Variants in ZNF512 observed in about 807,000 individuals in gnomAD.
ZNF512 encodes the protein zinc finger protein 512.
Under a neutral mutation model 77.5 loss-of-function variants are expected in ZNF512, and 25 were observed. The observed-to-expected ratio is 0.32, with a 90% CI of 0.23 to 0.45. The LOEUF is 0.45. Ranked by LOEUF, ZNF512 falls within the 20% of genes least tolerant of loss-of-function variation. The pLI, the probability that ZNF512 is intolerant of heterozygous loss-of-function variation, is 1.00. For synonymous variants in ZNF512, 246 were observed against 239.9 expected (o/e 1.03, Z -0.24); for missense variants, 483 against 692.6 (o/e 0.70, Z 3.40).
chr2:27,592,190 C>A (rs1158797124), intron 2 of ZNF512, among the ~76,000 whole-genome samples: 2 of 151,066 alleles, frequency 1.3e-5, no homozygotes, highest in South Asian at 2.1e-4. Context: ...AGGATTTTGC[C>A]ATGTTGCCCA....
chr2:27,598,354 G>A (rs1287190178), intron 3 of ZNF512, 100 bp downstream of exon 3: 14 of 1,297,154 alleles, frequency 1.1e-5, no homozygotes, highest in Non-Finnish European at 1.5e-5. Context: ...TGGCGGCTGA[G>A]CGTGGTGGCT....
chr2:27,605,707 CTA>C (rs557892736), intron 9 of ZNF512, among the ~76,000 whole-genome samples: 277 of 152,176 alleles, frequency 1.8e-3, no homozygotes, highest in African/African-American at 6.1e-3. Context: ...AACTCCTGGG[CTA>C]AAGTGATCTG....
chr2:27,612,277 C>T (rs527657305), intron 10 of ZNF512, among the ~76,000 whole-genome samples: 4 of 152,234 alleles, frequency 2.6e-5, no homozygotes, highest in African/African-American at 7.2e-5. Context: ...TACTTTATGA[C>T]ATGATAAGAC....
At chr2:27,602,610 T>C in intron 8 of ZNF512, 49 bp downstream of exon 8, 1 of 1,511,038 alleles carries the variant, frequency 6.6e-7, no homozygotes, top group Non-Finnish European at 9.0e-7. Flanking sequence ...CTCAGGTCAA[T>C]GTCTTTCGTT....
At chr2:27,592,826 T>C (rs948090531) in intron 2 of ZNF512, among the ~76,000 whole-genome samples, 17 of 151,490 alleles carry the variant, frequency 1.1e-4, no homozygotes, top group African/African-American at 4.1e-4. Context: ...GCTGGGATTA[T>C]AGGCATGTGC....
chr2:27,584,184 CA>C (rs934310285), intron 2 of ZNF512, among the ~76,000 whole-genome samples: 3 of 150,104 alleles, frequency 2.0e-5, no homozygotes, highest in Admixed American at 6.6e-5. Context: ...ACCTAGCTTG[CA>C]AAAAAAAAGT....
chr2:27,610,309 A>G (rs1346779106), intron 10 of ZNF512, among the ~76,000 whole-genome samples: 1 of 148,828 alleles, frequency 6.7e-6, no homozygotes, highest in Non-Finnish European at 1.5e-5. Flanking sequence ...GGTTGCAGTG[A>G]GCCGAGATTG....
rs1251180604 is a variant in ZNF512 at position 27,622,252 on chromosome 2, C to T, written c.*791C>T. 1.3e-5 allele frequency: 2 copies of T among 152,464 alleles called. No homozygotes were observed. Among genetic ancestry groups the T allele is most frequent in the African/African-American group, 4.8e-5 (2 of 41,454 alleles). 9.4% of individuals were successfully genotyped at this position (152,464 alleles called of 1,614,324 possible). ...ATCCATAGCTATGATCACTTGCCCTCTGAAGCTTATTTTTGCTTCTTTGGT... is the reference window on the plus strand; with the variant it reads ...ATCCATAGCTATGATCACTTGCCCTTTGAAGCTTATTTTTGCTTCTTTGGT... On this transcript the variant is annotated 3_prime_UTR_variant, in exon 14 of 14. Transcript: ENST00000355467.
chr2:27,587,273 T>G (rs943633731), intron 2 of ZNF512, among the ~76,000 whole-genome samples: 4 of 96,560 alleles, frequency 4.1e-5, no homozygotes, highest in Non-Finnish European at 7.0e-5. Flanking sequence ...CATGGGTTTT[T>G]TTTTTTTTTT....
chr2:27,601,555 A>T, intron 7 of ZNF512, 113 bp downstream of exon 7: 1 of 797,204 alleles, frequency 1.3e-6, no homozygotes, highest in Non-Finnish European at 2.0e-6. Context: ...GCTTACTGCA[A>T]CCTCCACCTC....
chr2:27,583,662 C>T lies in ZNF512; in HGVS notation c.35C>T (p.Ser12Leu). The T allele has an allele frequency of 4.3e-6, 7 of 1,614,086 alleles. No individual in the cohort carries two copies. Among genetic ancestry groups the T allele is most frequent in the Non-Finnish European group, 5.9e-6 (7 of 1,180,018 alleles). Residue 12 changes from serine to leucine, a missense_variant, in exon 2 of 14, where the codon TCG (serine) becomes TTG (leucine). Coordinates refer to ENST00000355467, the MANE Select transcript of ZNF512 (RefSeq NM_032434.4). ...SSRLGAVPAT[S>L]GPTTFKQQRS... is the part of the protein sequence containing the mutation. ...CGTGTGCTTGTGATTTGCTAGACTT[C>T]GGGACCCACAACCTTTAAGCAGCAG... is the stretch of plus-strand genomic sequence containing the variant.
Position 27,604,999 on chromosome 2 carries a change from A to G in ZNF512, c.936+1692A>G, listed in dbSNP as rs571792625. ...ATTTACCATAATCCATTTGTGATTC[A>G]TCCATGTGTTGCATGTATCATTAGT... is the stretch of plus-strand genomic sequence containing the variant. On this transcript the variant is annotated intron_variant, in intron 9 of 13. Transcript: ENST00000355467. Among the ~76,000 whole-genome samples the G allele has an allele frequency of 4.6e-5, 7 of 152,286 alleles. No homozygotes were observed. The South Asian group carries it at 8.3e-4, about 18-fold the overall frequency.
intron 3 of ZNF512, among the ~76,000 whole-genome samples, chr2:27,599,337 C>G (rs1164103169): frequency 6.6e-6 from 1 of 152,096 alleles, no homozygotes; most frequent in East Asian, 1.9e-4. Flanking sequence ...CTTGAATGCC[C>G]TTATTATTCA....
rs763890557 is a variant in ZNF512, at chr2:27,616,282, C to T, written c.1254C>T (p.Ser418=). ...TGCAGGGCTGTGAGGCTGTCTACAG[C>T]AGTGTATCTGGCCTTAAAGCTCACC... ...CPNQGCEAVY[S]SVSGLKAHLG... Residue 418 remains serine, a synonymous_variant, in exon 12 of 14, where the codon AGC becomes AGT. Transcript: ENST00000355467. The T allele has an allele frequency of 6.2e-7, 1 of 1,614,018 alleles. No homozygotes were observed.
intron 10 of ZNF512, among the ~76,000 whole-genome samples, chr2:27,614,459 A>G (rs1672796160): frequency 6.6e-6 from 1 of 152,188 alleles, no homozygotes; most frequent in Non-Finnish European, 1.5e-5. Flanking sequence ...TTAGAATTTT[A>G]AAAATACCAA....
intron 2 of ZNF512, among the ~76,000 whole-genome samples, chr2:27,595,760 TC>T (rs1671838907): frequency 6.6e-6 from 1 of 152,228 alleles, no homozygotes; most frequent in Non-Finnish European, 1.5e-5. Context: ...TTCATTTGGT[TC>T]TTTTTTATGG....
chr2:27,617,304 T>C lies in ZNF512; in HGVS notation c.1297-169T>C, dbSNP rs1672923389. 5.2e-6 allele frequency: 3 copies of C among 581,874 alleles called. No individual in the cohort carries two copies. In the South Asian group the frequency reaches 6.3e-5, roughly 12 times the overall value. The allele number at this position is 581,874 out of a possible 1,614,324, so 36.0% of individuals were successfully genotyped here. A position where few individuals can be genotyped will look rare whatever the true frequency, so the allele number is the denominator to read the frequency against. ...CACTAGGATGGATTTATGTTGATAATCATCCATCCAAGCTGGTTTTCCTAA... is the reference window on the plus strand; with the variant it reads ...CACTAGGATGGATTTATGTTGATAACCATCCATCCAAGCTGGTTTTCCTAA... On this transcript the variant is annotated intron_variant, in intron 12 of 13. Coordinates refer to ENST00000355467, the MANE Select transcript of ZNF512 (RefSeq NM_032434.4).
chr2:27,606,708 T>C (rs1463662278), intron 9 of ZNF512, among the ~76,000 whole-genome samples: 1 of 152,166 alleles, frequency 6.6e-6, no homozygotes, highest in Non-Finnish European at 1.5e-5. Flanking sequence ...ACAAACTGAA[T>C]GGCTTAAAAC....
rs750861568 is a variant in ZNF512, at chr2:27,615,263, T to G, written c.1227T>G (p.Pro409=). ...DIKKYHRIQC[P]NQGCEAVYSS... is the part of the protein sequence containing the mutation. ...AGAAATATCATCGTATTCAGTGTCC[T>G]AACCAGGTGGTTCTTTCTCATTCAT... is the stretch of plus-strand genomic sequence containing the variant. Residue 409 remains proline, a synonymous_variant, in exon 11 of 14, where the codon CCT becomes CCG. Transcript: ENST00000355467. 1 of 1,585,094 alleles carries G rather than the reference T, an allele frequency of 6.3e-7. No homozygotes were observed.
Sources: allele counts gnomAD v4.1 joint callset (sites outside exome capture counted in the v4.1 genomes callset), GRCh38; gene constraint gnomAD v4.1.1; transcripts MANE v1.5; gene names NCBI Gene and HGNC (gene_info 2026-07-23, HGNC 2026-07-21).